The following UBXN2A variants were observed in gnomAD, a reference collection of about 807,000 sequenced individuals.
UBXN2A encodes the protein UBX domain-containing protein 2A.
A neutral mutation model predicts 28.4 loss-of-function variants in UBXN2A; 28 were observed. The observed-to-expected ratio is 0.99, with a 90% CI of 0.73 to 1.35. The LOEUF (loss-of-function observed/expected upper bound fraction) is 1.35. Ranked by LOEUF, UBXN2A falls within the 40% of genes most tolerant of loss-of-function variation. UBXN2A has a pLI of 0.00. For synonymous variants in UBXN2A, 97 were observed against 103.6 expected (o/e 0.94, Z 0.39); for missense variants, 253 against 297.9 (o/e 0.85, Z 1.11).
intron 1 of UBXN2A, among the ~76,000 whole-genome samples, chr2:23,945,514 C>A (rs543436633): frequency 2.6e-4 from 40 of 152,272 alleles, no homozygotes; most frequent in African/African-American, 8.9e-4. Context: ...AATCACATTC[C>A]ATAGAAGATC....
chr2:23,968,676 A>AAG (rs535647490), intron 2 of UBXN2A, among the ~76,000 whole-genome samples: 3 of 119,334 alleles, frequency 2.5e-5, no homozygotes, highest in Non-Finnish European at 3.9e-5. Flanking sequence ...CCGTCTCAGG[A>AAG]AAAAAAAAAA....
At chr2:23,980,184 T>A (rs1335232599) in intron 4 of UBXN2A, among the ~76,000 whole-genome samples, 1 of 152,208 alleles carries the variant, frequency 6.6e-6, no homozygotes, top group East Asian at 1.9e-4. Flanking sequence ...CTCTATGGAT[T>A]TCTGTCACTA....
chr2:23,958,449 G>T, intron 2 of UBXN2A, 94 bp downstream of exon 2: 2 of 1,237,586 alleles, frequency 1.6e-6, no homozygotes, highest in Non-Finnish European at 1.1e-6. Context: ...AGTAGAGTAC[G>T]TTTTAATTAT....
intron 3 of UBXN2A, among the ~76,000 whole-genome samples, chr2:23,976,209 G>A (rs551091063): frequency 4.6e-5 from 7 of 152,174 alleles, no homozygotes; most frequent in Admixed American, 2.6e-4. Flanking sequence ...CAGCATAAGC[G>A]GGAGCTACCG....
At chr2:23,967,115 A>G (rs1423563688) in intron 2 of UBXN2A, among the ~76,000 whole-genome samples, 1 of 151,874 alleles carries the variant, frequency 6.6e-6, no homozygotes, top group South Asian at 2.1e-4. Context: ...TACTCTTACT[A>G]TACATTTCCA....
chr2:23,935,365 A>G (rs1705491720), intron 1 of UBXN2A, among the ~76,000 whole-genome samples: 1 of 152,122 alleles, frequency 6.6e-6, no homozygotes, highest in Admixed American at 6.6e-5. Context: ...ATTTTTTAAA[A>G]CGCAAAAACT....
intron 1 of UBXN2A, among the ~76,000 whole-genome samples, chr2:23,949,435 G>A (rs186527256): frequency 9.2e-5 from 14 of 152,046 alleles, no homozygotes; most frequent in African/African-American, 3.4e-4. Flanking sequence ...GCCGGGCGTG[G>A]TGGCACATGC....
chr2:23,980,489 G>C (rs1172961792), intron 4 of UBXN2A, among the ~76,000 whole-genome samples: 1 of 152,062 alleles, frequency 6.6e-6, no homozygotes, highest in Admixed American at 6.6e-5. Context: ...GGTTGTAAAG[G>C]GGTATGTCAT....
chr2:23,929,989 A>G (rs1057260113), intron 1 of UBXN2A, among the ~76,000 whole-genome samples: 8 of 151,968 alleles, frequency 5.3e-5, no homozygotes, highest in African/African-American at 1.9e-4. Context: ...CCCAGGTTCA[A>G]GCGACTCTCC....
At chr2:23,996,506 C>T (rs1206944186) in intron 6 of UBXN2A, among the ~76,000 whole-genome samples, 1 of 135,650 alleles carries the variant, frequency 7.4e-6, no homozygotes, top group Admixed American at 7.6e-5. Context: ...GATAGAGTTT[C>T]GCTCTTGTTG....
At chr2:23,959,860 A>G (rs962951655) in intron 2 of UBXN2A, among the ~76,000 whole-genome samples, 1 of 152,180 alleles carries the variant, frequency 6.6e-6, no homozygotes, top group Non-Finnish European at 1.5e-5. Context: ...GGCTATCATA[A>G]GGAAAGCAGG....
intron 4 of UBXN2A, 47 bp from the exon 5 acceptor site, chr2:23,982,849 A>G: frequency 2.6e-6 from 4 of 1,540,044 alleles, no homozygotes; most frequent in Non-Finnish European, 3.5e-6. Flanking sequence ...TTTCAGAGAA[A>G]TAAAATACAT....
At chr2:23,984,391 C>G (rs1013272645) in intron 5 of UBXN2A, among the ~76,000 whole-genome samples, 1 of 152,124 alleles carries the variant, frequency 6.6e-6, no homozygotes, top group East Asian at 1.9e-4. Context: ...TATGAACCTT[C>G]TTTAAAATTA....
upstream of UBXN2A, among the ~76,000 whole-genome samples, chr2:23,937,065 C>T (rs756613250): frequency 8.0e-5 from 12 of 150,882 alleles, no homozygotes; most frequent in Middle Eastern, 3.5e-3. Context: ...CGCTATGTTG[C>T]CCCAGGTTGG....
At chr2:23,990,868 CTA>C (rs950633192) in intron 6 of UBXN2A, among the ~76,000 whole-genome samples, 3 of 152,068 alleles carry the variant, frequency 2.0e-5, no homozygotes, top group African/African-American at 7.2e-5. Flanking sequence ...AACACATACA[CTA>C]TGATTCCATT....
At chr2:23,932,035 G>A (rs1705384620) in intron 1 of UBXN2A, among the ~76,000 whole-genome samples, 1 of 149,510 alleles carries the variant, frequency 6.7e-6, no homozygotes, top group Non-Finnish European at 1.5e-5. Flanking sequence ...AAAAGAAAAA[G>A]CAGGCCAGGT....
chr2:23,950,482 C>T lies in UBXN2A; in HGVS notation c.-14-7819C>T, dbSNP rs533411173. ...GCAGTGGCATGATCTTGGCTCACTG[C>T]GACCTCCGACTCCTGGGTTCCAGCA... is the stretch of plus-strand genomic sequence containing the variant. On this transcript the variant is annotated intron_variant, in intron 1 of 6. Coordinates refer to ENST00000309033, the MANE Select transcript of UBXN2A (RefSeq NM_181713.4). 1.1e-4 allele frequency among the ~76,000 whole-genome samples: 16 copies of T among 152,186 alleles called. No individual in the cohort carries two copies. The South Asian group carries it at 1.9e-3, about 18-fold the overall frequency.
chr2:23,944,211 CCT>C, intron 1 of UBXN2A: 1 of 1,556,070 alleles, frequency 6.4e-7, no homozygotes, highest in East Asian at 2.3e-5. Context: ...ACTCGTCTTC[CCT>C]CTCATGTATC....
intron 1 of UBXN2A, among the ~76,000 whole-genome samples, chr2:23,948,152 G>C (rs1389483746): frequency 6.6e-6 from 1 of 150,768 alleles, no homozygotes; most frequent in South Asian, 2.1e-4. Context: ...ACTGTGCCGG[G>C]CTTTTAAAAA....
Sources: allele counts gnomAD v4.1 joint callset (sites outside exome capture counted in the v4.1 genomes callset), GRCh38; gene constraint gnomAD v4.1.1; transcripts MANE v1.5; gene names NCBI Gene and HGNC (gene_info 2026-07-23, HGNC 2026-07-21).